The following PLCB4 variants were observed in gnomAD, a reference collection of about 807,000 sequenced individuals.
PLCB4 encodes the protein phospholipase C beta 4, also known as 1-phosphatidylinositol 4,5-bisphosphate phosphodiesterase beta-4.
Under a neutral mutation model 178.8 loss-of-function variants are expected in PLCB4, and 77 were observed. That is an observed-to-expected ratio of 0.43 (90% CI 0.36 to 0.52). The LOEUF (loss-of-function observed/expected upper bound fraction) is 0.52, where lower values mean the gene tolerates loss of function less well. PLCB4 is among the 20% of genes least tolerant of loss of function. The pLI, the probability that PLCB4 is intolerant of heterozygous loss-of-function variation, is 0.00. For missense variants in PLCB4, 1,024 were observed against 1,453.4 expected (o/e 0.70, Z 4.80); for synonymous variants, 496 against 490.8 (o/e 1.01, Z -0.14).
Position 9,473,269 on chromosome 20 carries a change from T to C in PLCB4, c.3409-10T>C. 1 of 1,522,454 alleles carries C rather than the reference T, an allele frequency of 6.6e-7. No individual in the cohort carries two copies. The highest frequency in any genetic ancestry group is 8.8e-7 in the Non-Finnish European group (1 of 1,136,818). The allele number at this position is 1,522,454 out of a possible 1,614,324, so 94.3% of individuals were successfully genotyped here. On this transcript the variant is annotated splice_polypyrimidine_tract_variant and intron_variant, in intron 37 of 39. Coordinates refer to ENST00000378473, the MANE Select transcript of PLCB4 (RefSeq NM_001377142.1). Reference sequence around the variant, plus strand: ...TTCAATCAGAATTTTTTTTTTTTTTTTTTTTGCAGCTTGCCATGAAGCAGT... The same window carrying C: ...TTCAATCAGAATTTTTTTTTTTTTTCTTTTTGCAGCTTGCCATGAAGCAGT...
At chr20:9,124,411 C>T (rs1020792428) in intron 2 of PLCB4, among the ~76,000 whole-genome samples, 31 of 152,188 alleles carry the variant, frequency 2.0e-4, no homozygotes, top group African/African-American at 7.5e-4. Flanking sequence ...ATGGGAGGAT[C>T]CCTTGAGCCT....
chr20:9,358,582 G>A (rs1430687240), intron 7 of PLCB4, among the ~76,000 whole-genome samples: 1 of 152,194 alleles, frequency 6.6e-6, no homozygotes, highest in Non-Finnish European at 1.5e-5. Flanking sequence ...GCCAGCCTGT[G>A]CCTAGTGAAA....
intron 25 of PLCB4, among the ~76,000 whole-genome samples, chr20:9,416,444 A>G (rs1453291757): frequency 6.6e-6 from 1 of 152,172 alleles, no homozygotes; most frequent in Non-Finnish European, 1.5e-5. Flanking sequence ...CATTTGCCAC[A>G]GCTGGGGTCC....
At chr20:9,313,915 T>C (rs2094867501) in intron 4 of PLCB4, among the ~76,000 whole-genome samples, 1 of 152,056 alleles carries the variant, frequency 6.6e-6, no homozygotes, top group South Asian at 2.1e-4. Context: ...GATCTCCTTG[T>C]GGTGTGAGAG....
At chr20:9,428,632 T>A (rs2041190718) in intron 28 of PLCB4, among the ~76,000 whole-genome samples, 3 of 152,202 alleles carry the variant, frequency 2.0e-5, no homozygotes, top group African/African-American at 7.2e-5. Context: ...GACTTGGGAT[T>A]TGCCTTTCTT....
chr20:9,299,868 C>CT (rs1265269489), intron 3 of PLCB4, among the ~76,000 whole-genome samples: 1 of 151,916 alleles, frequency 6.6e-6, no homozygotes, highest in East Asian at 1.9e-4. Context: ...TTACAAAATT[C>CT]TTTTTTACCA....
At chr20:9,279,808 C>A (rs895780804) in intron 3 of PLCB4, among the ~76,000 whole-genome samples, 1 of 151,980 alleles carries the variant, frequency 6.6e-6, no homozygotes, top group African/African-American at 2.4e-5. Context: ...GTTTCTGTGC[C>A]TCTTTTTGAG....
chr20:9,398,405 A>G (rs995307745), intron 19 of PLCB4, among the ~76,000 whole-genome samples: 7 of 152,202 alleles, frequency 4.6e-5, no homozygotes, highest in Non-Finnish European at 8.8e-5. Flanking sequence ...TAAGAAAAAT[A>G]TATTTATAGA....
At chr20:9,148,045 G>C (rs2092629212) in intron 2 of PLCB4, among the ~76,000 whole-genome samples, 1 of 152,182 alleles carries the variant, frequency 6.6e-6, no homozygotes, top group Admixed American at 6.5e-5. Context: ...AAGGAAGAGA[G>C]AGTTCATCTG....
intron 2 of PLCB4, among the ~76,000 whole-genome samples, chr20:9,149,619 T>C (rs545088260): frequency 6.6e-6 from 1 of 152,196 alleles, no homozygotes; most frequent in Admixed American, 6.5e-5. Flanking sequence ...GCACAGTGGT[T>C]TTGAGCCTGC....
rs867287962 is a variant in PLCB4, at chr20:9,408,638, A to G, written c.1795A>G (p.Asn599Asp). The G allele has an allele frequency of 6.5e-7, 1 of 1,540,874 alleles. No homozygotes were observed. Among genetic ancestry groups the G allele is most frequent in the Non-Finnish European group, 9.0e-7 (1 of 1,113,910 alleles). The change falls in exon 23 of 40, where the codon AAT becomes GAT. Residue 599 changes from asparagine to aspartate, a missense_variant. Around this residue, in one of 7 missense-constraint regions of PLCB4, gnomAD observed 263 missense variants for 417.4 expected, o/e 0.63. Transcript: ENST00000378473. ...FQGFHVAEERNIHYNMSSFNE... is the reference protein window; with the variant it reads ...FQGFHVAEERDIHYNMSSFNE... The stretch of plus-strand genomic sequence containing the variant: ...TCTTTGCTTTTCTTTTACAGAACGC[A>G]ATATTCATTATAACATGTCTTCTTT...
At chr20:9,265,692 T>G (rs1467249977) in intron 3 of PLCB4, among the ~76,000 whole-genome samples, 1 of 152,208 alleles carries the variant, frequency 6.6e-6, no homozygotes, top group Non-Finnish European at 1.5e-5. Flanking sequence ...AGAATATTAA[T>G]CTCAGGTCCT....
chr20:9,377,552 G>C (rs887253312), intron 12 of PLCB4, among the ~76,000 whole-genome samples: 4 of 152,094 alleles, frequency 2.6e-5, no homozygotes, highest in African/African-American at 9.7e-5. Flanking sequence ...AAGATTTTAG[G>C]GAGAGCTGAA....
intron 3 of PLCB4, among the ~76,000 whole-genome samples, chr20:9,220,678 G>GTGTT (rs1232076443): frequency 3.9e-5 from 6 of 152,288 alleles, no homozygotes; most frequent in East Asian, 1.9e-4. Context: ...TATAACATTA[G>GTGTT]TGTTAGGCAT....
chr20:9,241,728 G>T (rs1180962295), intron 3 of PLCB4, among the ~76,000 whole-genome samples: 1 of 152,196 alleles, frequency 6.6e-6, no homozygotes, highest in African/African-American at 2.4e-5. Flanking sequence ...AAAGTCAGTA[G>T]AATCAGAGAA....
intron 1 of PLCB4, among the ~76,000 whole-genome samples, chr20:9,077,036 A>G (rs1011333292): frequency 1.3e-5 from 2 of 152,004 alleles, no homozygotes; most frequent in African/African-American, 2.4e-5. Context: ...TATACATGTC[A>G]TTTTCTTATT....
intron 2 of PLCB4, among the ~76,000 whole-genome samples, chr20:9,184,401 A>C (rs2093296422): frequency 6.6e-6 from 1 of 152,160 alleles, no homozygotes; most frequent in Non-Finnish European, 1.5e-5. Flanking sequence ...TTAAAGTTCC[A>C]GGTGAAACCC....
At chr20:9,148,647 C>T (rs1443901121) in intron 2 of PLCB4, among the ~76,000 whole-genome samples, 1 of 152,148 alleles carries the variant, frequency 6.6e-6, no homozygotes, top group Non-Finnish European at 1.5e-5. Flanking sequence ...ATTGTGAAGG[C>T]AGACCCAGCC....
chr20:9,091,613 C>T (rs1192978829), intron 1 of PLCB4, among the ~76,000 whole-genome samples: 1 of 150,736 alleles, frequency 6.6e-6, no homozygotes, highest in African/African-American at 2.4e-5. Context: ...AACTTGTCCT[C>T]ATGGGAAAGG....
Sources: gnomAD v4.1 joint callset for allele counts (sites outside exome capture counted in the v4.1 genomes callset) on GRCh38, gnomAD v4.1.1 for gene constraint, gnomAD v4.1.1 regional missense constraint, MANE v1.5 for transcripts, NCBI Gene and HGNC (gene_info 2026-07-23, HGNC 2026-07-21) for gene names.